The following DYNLRB1 variants were observed in gnomAD, a reference collection of about 807,000 sequenced individuals.
DYNLRB1 encodes the protein dynein light chain roadblock-type 1.
In DYNLRB1, 6 loss-of-function variants were observed where a neutral mutation model predicts 13.5. The observed-to-expected ratio is 0.44, with a 90% CI of 0.24 to 0.88. The LOEUF (loss-of-function observed/expected upper bound fraction) is 0.88. Ranked by LOEUF, DYNLRB1 falls within the 40% of genes least tolerant of loss-of-function variation. The probability of loss-of-function intolerance (pLI) is 0.21; values close to 1 mark genes in which losing one functional copy is unlikely to be tolerated. For synonymous variants in DYNLRB1, 43 were observed against 45.0 expected, an observed-to-expected ratio of 0.96 and a Z score of 0.18; for missense variants, 93 against 127.2, an observed-to-expected ratio of 0.73 and a Z score of 1.29.
intron 1 of DYNLRB1, among the ~76,000 whole-genome samples, chr20:34,526,042 G>T (rs948396461): frequency 6.6e-6 from 1 of 152,188 alleles, no homozygotes; most frequent in Non-Finnish European, 1.5e-5. Context: ...TGGGCAGAGC[G>T]CCAGGAGCAG....
At position 34,516,429 on chromosome 20, in the gene DYNLRB1, C is replaced by A. The variant is rs776206508; in HGVS notation, c.-30C>A. 6.2e-7 allele frequency: 1 copy of A among 1,612,508 alleles called. No individual in the cohort carries two copies. The highest frequency in any genetic ancestry group is 1.3e-5 in the African/African-American group (1 of 74,798). On this transcript the variant is annotated 5_prime_UTR_variant, in exon 1 of 4. Transcript: ENST00000357156. ...AAAGGCACAGGACTCGCTAAGTGTT[C>A]GCTACGCGGGGCTACCGGATCGGTC...
intron 1 of DYNLRB1, among the ~76,000 whole-genome samples, chr20:34,520,660 G>T (rs1371522262): frequency 6.6e-6 from 1 of 152,122 alleles, no homozygotes; most frequent in Non-Finnish European, 1.5e-5. Flanking sequence ...TGTTGGCCAG[G>T]CTGGTCTCAA....
intron 1 of DYNLRB1, among the ~76,000 whole-genome samples, chr20:34,525,390 C>G (rs1051213446): frequency 9.2e-5 from 14 of 152,188 alleles, no homozygotes; most frequent in Non-Finnish European, 5.9e-5. Flanking sequence ...TTTTTAGAGT[C>G]TCTAAGAAAT....
intron 1 of DYNLRB1, among the ~76,000 whole-genome samples, chr20:34,520,612 T>TA (rs1224633636): frequency 6.6e-6 from 1 of 151,982 alleles, no homozygotes; most frequent in Non-Finnish European, 1.5e-5. Context: ...GACGCCCAGC[T>TA]AATTTTTGTA....
chr20:34,519,657 G>C (rs1343028274), intron 1 of DYNLRB1, among the ~76,000 whole-genome samples: 1 of 152,038 alleles, frequency 6.6e-6, no homozygotes, highest in Admixed American at 6.5e-5. Flanking sequence ...TCGTATCCTA[G>C]TCCCATATGT....
chr20:34,526,488 T>TTC (rs1980231549), intron 2 of DYNLRB1, 145 bp downstream of exon 2: 1 of 530,056 alleles, frequency 1.9e-6, no homozygotes, highest in Admixed American at 3.5e-5. Context: ...CAGTGTTCTT[T>TTC]TTTTTTTTTT....
chr20:34,523,756 T>A (rs1393746592), intron 1 of DYNLRB1, among the ~76,000 whole-genome samples: 1 of 152,232 alleles, frequency 6.6e-6, no homozygotes, highest in Non-Finnish European at 1.5e-5. Flanking sequence ...TTCCCACAAA[T>A]GTCAGTTTCG....
chr20:34,533,137 G>A (rs905315226), intron 2 of DYNLRB1, among the ~76,000 whole-genome samples: 4 of 152,206 alleles, frequency 2.6e-5, no homozygotes, highest in African/African-American at 9.6e-5. Flanking sequence ...TCACCTCTGT[G>A]ACAGTAGGCA....
intron 1 of DYNLRB1, among the ~76,000 whole-genome samples, chr20:34,525,840 CAT>C (rs1395016868): frequency 2.6e-5 from 4 of 152,346 alleles, no homozygotes; most frequent in Admixed American, 1.3e-4. Context: ...AGTCTATCCT[CAT>C]GTGCTGTTTG....
At chr20:34,518,555 C>T (rs1979449043) in intron 1 of DYNLRB1, among the ~76,000 whole-genome samples, 1 of 151,616 alleles carries the variant, frequency 6.6e-6, no homozygotes, top group South Asian at 2.1e-4. Context: ...TCAAGTGATC[C>T]TCCTGCCTTA....
chr20:34,525,898 T>C (rs1980160856), intron 1 of DYNLRB1, among the ~76,000 whole-genome samples: 1 of 152,236 alleles, frequency 6.6e-6, no homozygotes, highest in African/African-American at 2.4e-5. Context: ...TACTACTCTC[T>C]GAGTTTTCTT....
upstream of DYNLRB1, chr20:34,516,397 G>A (rs560467039): frequency 1.9e-6 from 3 of 1,599,760 alleles, no homozygotes; most frequent in African/African-American, 2.7e-5. Flanking sequence ...CCTTTGCGCA[G>A]GCGCAGAAAG....
At chr20:34,520,248 A>G (rs1979605251) in intron 1 of DYNLRB1, among the ~76,000 whole-genome samples, 1 of 151,786 alleles carries the variant, frequency 6.6e-6, no homozygotes, top group South Asian at 2.1e-4. Flanking sequence ...ACATATGCAT[A>G]TTTTCCAAGA....
At chr20:34,524,330 T>C (rs1049797162) in intron 1 of DYNLRB1, among the ~76,000 whole-genome samples, 2 of 152,242 alleles carry the variant, frequency 1.3e-5, no homozygotes, top group African/African-American at 4.8e-5. Context: ...TGTGATGGTA[T>C]AACATGGTCT....
At position 34,517,128 on chromosome 20, in the gene DYNLRB1, C is replaced by T. The variant is rs180775843; in HGVS notation, c.3+667C>T. 2.6e-3 allele frequency among the ~76,000 whole-genome samples: 395 copies of T among 152,110 alleles called. 4 individuals carry two copies. Among genetic ancestry groups the T allele is most frequent in the African/African-American group, 8.7e-3 (362 of 41,506 alleles). ...TGCTGCAGCTGTGGGTTCTCAACGC[C>T]GTTACAGGTTTTGTGTTTGTAATCC... On this transcript the variant is annotated intron_variant, in intron 1 of 3. Coordinates refer to ENST00000357156, the MANE Select transcript of DYNLRB1 (RefSeq NM_014183.4).
At chr20:34,523,670 C>A (rs1979940724) in intron 1 of DYNLRB1, among the ~76,000 whole-genome samples, 2 of 152,174 alleles carry the variant, frequency 1.3e-5, no homozygotes, top group South Asian at 4.1e-4. Context: ...ATTCCCATCA[C>A]CCCTGCATTC....
At chr20:34,531,426 C>A (rs922674819) in intron 2 of DYNLRB1, among the ~76,000 whole-genome samples, 3 of 152,214 alleles carry the variant, frequency 2.0e-5, no homozygotes, top group African/African-American at 7.2e-5. Flanking sequence ...GCTCCAGCAT[C>A]CAGTGAATCT....
chr20:34,537,901 G>A (rs1398134908), intron 3 of DYNLRB1, among the ~76,000 whole-genome samples: 2 of 152,002 alleles, frequency 1.3e-5, no homozygotes, highest in East Asian at 3.9e-4. Flanking sequence ...GCTGCAGACA[G>A]CAGCAGGTGT....
At chr20:34,533,418 G>A (rs765142827) in intron 2 of DYNLRB1, 13 of 943,010 alleles carry the variant, frequency 1.4e-5, no homozygotes, top group Middle Eastern at 5.3e-4. Context: ...AACTTGGCAC[G>A]GCCATGTGGA....
Sources: gnomAD v4.1 joint callset for allele counts (sites outside exome capture counted in the v4.1 genomes callset) on GRCh38, gnomAD v4.1.1 for gene constraint, MANE v1.5 for transcripts, NCBI Gene and HGNC (gene_info 2026-07-23, HGNC 2026-07-21) for gene names.